The following SLIT1 variants were observed in gnomAD, a reference collection of about 807,000 sequenced individuals.
The protein encoded by SLIT1 is slit homolog 1 protein.
In SLIT1, 66 loss-of-function variants were observed where a neutral mutation model predicts 186.1. That is an observed-to-expected ratio of 0.35 (90% CI 0.29 to 0.44). The LOEUF (loss-of-function observed/expected upper bound fraction) is 0.44, where lower values mean the gene tolerates loss of function less well. SLIT1 is among the 20% of genes least tolerant of loss of function. The pLI is 1.00. For missense variants in SLIT1, 1,638 were observed against 2,037.4 expected (o/e 0.80, Z 3.77); for synonymous variants, 761 against 833.8 (o/e 0.91, Z 1.50).
intron 25 of SLIT1, among the ~76,000 whole-genome samples, chr10:97,028,152 A>G (rs988673232): frequency 2.0e-5 from 3 of 152,142 alleles, no homozygotes; most frequent in African/African-American, 7.2e-5. Flanking sequence ...CATGCAACCA[A>G]AAATTACCCA....
In SLIT1 at chr10:97,002,864, T is replaced by A; in HGVS notation, c.3994A>T (p.Lys1332Ter). Residue 1332 changes from lysine to a stop codon, truncating the protein, a stop_gained, in exon 35 of 37, where the codon AAG (lysine) becomes TAG (stop). Transcript: ENST00000266058. LOFTEE classifies it high-confidence loss of function. ...TCGCAGCCTGGCACCACGCCTGGCT[T>A]CATCTGCGTCTTGGTGAAGTCCTGC... The part of the protein sequence containing the change: ...ELQDFTKTQM[K>*]PGVVPGCEPC... 6.2e-7 allele frequency: 1 copy of A among 1,614,214 alleles called. No individual in the cohort carries two copies. The highest frequency in any genetic ancestry group is 8.5e-7 in the Non-Finnish European group (1 of 1,180,032).
chr10:97,064,287 G>T, intron 6 of SLIT1, 48 bp from the exon 7 acceptor site: 1 of 1,524,756 alleles, frequency 6.6e-7, no homozygotes, highest in Non-Finnish European at 9.1e-7. Flanking sequence ...AGCAGGAGAT[G>T]ATGTGGGACA....
At chr10:97,135,925 G>A (rs1037616308) in intron 4 of SLIT1, among the ~76,000 whole-genome samples, 11 of 152,154 alleles carry the variant, frequency 7.2e-5, no homozygotes, top group Non-Finnish European at 1.5e-4. Flanking sequence ...GATAAGGAAG[G>A]GGTGGTGGTT....
rs1848324259 is a variant in SLIT1, at chr10:97,002,859, T to C, written c.3999A>G (p.Pro1333=). Residue 1333 remains proline, a synonymous_variant, in exon 35 of 37, where the codon CCA becomes CCG. Coordinates refer to ENST00000266058, the MANE Select transcript of SLIT1 (RefSeq NM_003061.3). ...LQDFTKTQMK[P]GVVPGCEPCR... is the part of the protein sequence containing the mutation. ...AGGGTTCGCAGCCTGGCACCACGCC[T>C]GGCTTCATCTGCGTCTTGGTGAAGT... is the stretch of plus-strand genomic sequence containing the variant. 1 of 1,614,060 alleles carries C rather than the reference T, an allele frequency of 6.2e-7. No individual in the cohort carries two copies. The highest frequency in any genetic ancestry group is 1.3e-5 in the African/African-American group (1 of 74,944).
chr10:97,179,720 G>A (rs1850305350), intron 1 of SLIT1, among the ~76,000 whole-genome samples: 1 of 151,964 alleles, frequency 6.6e-6, no homozygotes, highest in African/African-American at 2.4e-5. Flanking sequence ...ACAGCTGTCT[G>A]TCCGCCACAG....
chr10:97,167,624 G>T (rs1486468332), intron 1 of SLIT1, among the ~76,000 whole-genome samples: 4 of 152,178 alleles, frequency 2.6e-5, no homozygotes, highest in Non-Finnish European at 5.9e-5. Flanking sequence ...GTAGGAAAAG[G>T]TCACAAGACA....
At chr10:97,072,503 A>G (rs2817682) in intron 4 of SLIT1, among the ~76,000 whole-genome samples, 98,304 of 151,764 alleles carry the variant, frequency 0.65, 32,928 homozygotes, top group East Asian at 0.83. Flanking sequence ...ACCAAAGCTT[A>G]AAGAGGAAAG....
At chr10:97,089,053 A>T (rs916139436) in intron 4 of SLIT1, among the ~76,000 whole-genome samples, 4 of 152,214 alleles carry the variant, frequency 2.6e-5, no homozygotes, top group Admixed American at 2.6e-4. Flanking sequence ...ACTGCAGGAA[A>T]GCAATGGCTG....
intron 8 of SLIT1, among the ~76,000 whole-genome samples, chr10:97,062,153 G>A (rs765162735): frequency 9.9e-5 from 15 of 152,182 alleles, no homozygotes; most frequent in Non-Finnish European, 2.1e-4. Flanking sequence ...TGATGCAGAG[G>A]CAGTCCTGGC....
intron 1 of SLIT1, among the ~76,000 whole-genome samples, chr10:97,179,083 C>T (rs1850295734): frequency 6.6e-6 from 1 of 152,036 alleles, no homozygotes; most frequent in African/African-American, 2.4e-5. Flanking sequence ...GCCTTTAAGC[C>T]CCAGTTCAAA....
chr10:97,011,539 G>T (rs932787091), intron 30 of SLIT1, among the ~76,000 whole-genome samples: 2 of 152,100 alleles, frequency 1.3e-5, no homozygotes, highest in Non-Finnish European at 2.9e-5. Context: ...ATGTGACTGA[G>T]TTCCACAGGC....
chr10:97,141,588 T>C (rs1473628113), intron 4 of SLIT1, among the ~76,000 whole-genome samples: 1 of 152,210 alleles, frequency 6.6e-6, no homozygotes, highest in Non-Finnish European at 1.5e-5. Flanking sequence ...AGAGGACACA[T>C]TGCCTCTATT....
chr10:97,135,289 A>G lies in SLIT1; in HGVS notation c.413+22529T>C, dbSNP rs182837506. On this transcript the variant is annotated intron_variant, in intron 4 of 36. Transcript: ENST00000266058. ...GTCCATAACAGTTCGGCCATTTAAC[A>G]TGGTTCTAAAATACTTAGGCTCGGT... is the stretch of plus-strand genomic sequence containing the variant. 1.4e-3 allele frequency among the ~76,000 whole-genome samples: 220 copies of G among 152,018 alleles called. 2 individuals carry two copies. The highest frequency in any genetic ancestry group is 2.7e-3 in the Non-Finnish European group (186 of 68,000).
chr10:97,124,061 C>T (rs1373388841), intron 4 of SLIT1, among the ~76,000 whole-genome samples: 1 of 152,224 alleles, frequency 6.6e-6, no homozygotes, highest in Non-Finnish European at 1.5e-5. Flanking sequence ...ACCCACTTAA[C>T]AGCATTATGC....
intron 13 of SLIT1, among the ~76,000 whole-genome samples, chr10:97,055,457 G>A (rs1425618383): frequency 1.3e-5 from 2 of 152,040 alleles, no homozygotes; most frequent in African/African-American, 2.4e-5. Flanking sequence ...AACCTCCTGG[G>A]CTCAAGCAAT....
intron 4 of SLIT1, among the ~76,000 whole-genome samples, chr10:97,082,716 G>A (rs954178908): frequency 6.6e-6 from 1 of 152,110 alleles, no homozygotes; most frequent in Non-Finnish European, 1.5e-5. Flanking sequence ...TTACAGGAGT[G>A]AGCCACCACG....
intron 14 of SLIT1, among the ~76,000 whole-genome samples, chr10:97,048,620 C>T (rs1337818289): frequency 6.6e-6 from 1 of 152,192 alleles, no homozygotes; most frequent in Non-Finnish European, 1.5e-5. Context: ...TTTGGGCCCA[C>T]ACCCTCCAGT....
Position 97,042,995 on chromosome 10 carries a change from C to T in SLIT1, c.2070G>A (p.Lys690=). ...AWLGGWLRKR[K]IVTGNPRCQN... is the part of the protein sequence containing the mutation. ...GGCATCGCGGGTTCCCCGTCACGAT[C>T]TTGCGCTTCCGTAGCCAGCCTCCTA... Residue 690 remains lysine (K), a synonymous_variant, in exon 20 of 37, where the codon AAG becomes AAA. Transcript: ENST00000266058. 6.2e-7 allele frequency: 1 copy of T among 1,614,264 alleles called. No homozygotes were observed. Among genetic ancestry groups the T allele is most frequent in the South Asian group, 1.1e-5 (1 of 91,088 alleles).
chr10:97,059,960 T>A, intron 10 of SLIT1, 127 bp downstream of exon 10: 1 of 806,748 alleles, frequency 1.2e-6, no homozygotes, highest in Non-Finnish European at 2.2e-6. Flanking sequence ...GGCAGGAAGG[T>A]CAGGTGGCTG....
Sources: allele counts gnomAD v4.1 joint callset (sites outside exome capture counted in the v4.1 genomes callset), GRCh38; gene constraint gnomAD v4.1.1; transcripts MANE v1.5; gene names NCBI Gene and HGNC (gene_info 2026-07-23, HGNC 2026-07-21).